Variants in DACH2 observed in about 807,000 individuals in gnomAD.
The protein encoded by DACH2 is dachshund homolog 2.
In DACH2, 17 loss-of-function variants were observed where a neutral mutation model predicts 35.8. That is an observed-to-expected ratio of 0.48 (90% CI 0.33 to 0.71). The LOEUF is 0.71. DACH2 is among the 30% of genes least tolerant of loss of function. The pLI is 0.02. For synonymous variants in DACH2, 195 were observed against 177.3 expected (o/e 1.10, Z -0.79); for missense variants, 469 against 472.7 (o/e 0.99, Z 0.07).
At chrX:86,242,409 C>A (rs920840686) in intron 1 of DACH2, among the ~76,000 whole-genome samples, 1 of 111,969 alleles carries the variant, frequency 8.9e-6, no homozygotes, top group African/African-American at 3.2e-5. Context: ...TTCGTTTTGG[C>A]CAATTTCTCC....
intron 2 of DACH2, among the ~76,000 whole-genome samples, chrX:86,466,428 G>C (rs2037669444): frequency 9.1e-6 from 1 of 110,049 alleles, no homozygotes; most frequent in Non-Finnish European, 1.9e-5. Flanking sequence ...AGATTTGGGT[G>C]GGGACACAGA....
chrX:86,619,807 T>G (rs900553535), intron 3 of DACH2, among the ~76,000 whole-genome samples: 20 of 111,960 alleles, frequency 1.8e-4, no homozygotes, highest in African/African-American at 6.5e-4. Flanking sequence ...TTACAATCAC[T>G]CTGATAATTT....
chrX:86,800,669 C>G (rs190338329), intron 7 of DACH2, among the ~76,000 whole-genome samples: 96 of 110,858 alleles, frequency 8.7e-4, no homozygotes, highest in African/African-American at 2.9e-3. Context: ...TTGTTTGTTT[C>G]TTTGTTTGTT....
At chrX:86,337,052 A>C (rs770259558) in intron 1 of DACH2, among the ~76,000 whole-genome samples, 8 of 110,249 alleles carry the variant, frequency 7.3e-5, no homozygotes, top group Non-Finnish European at 1.3e-4. Context: ...GAATGAACAA[A>C]GCCTCCAAGA....
At chrX:86,587,249 C>A (rs949193759) in intron 3 of DACH2, among the ~76,000 whole-genome samples, 2 of 111,531 alleles carry the variant, frequency 1.8e-5, no homozygotes, top group Non-Finnish European at 3.8e-5. Context: ...ACTGATTTTT[C>A]TACATCGAAT....
chrX:86,546,597 C>A (rs113698820), intron 3 of DACH2, among the ~76,000 whole-genome samples: 7 of 102,048 alleles, frequency 6.9e-5, no homozygotes, highest in Admixed American at 3.3e-4. Flanking sequence ...TCACTGCAAC[C>A]TCTGCGTCCC....
intron 3 of DACH2, among the ~76,000 whole-genome samples, chrX:86,627,099 A>T (rs1011007487): frequency 1.8e-5 from 2 of 112,044 alleles, no homozygotes; most frequent in Non-Finnish European, 3.8e-5. Context: ...AATTCCAAAC[A>T]TATCCTTGTG....
chrX:86,329,669 T>C (rs1016002726), intron 1 of DACH2, among the ~76,000 whole-genome samples: 6 of 111,744 alleles, frequency 5.4e-5, no homozygotes, highest in African/African-American at 2.0e-4. Flanking sequence ...GTGTTAGCAT[T>C]CTGTTTACAG....
chrX:86,466,775 G>A (rs2037677193), intron 2 of DACH2, among the ~76,000 whole-genome samples: 1 of 111,243 alleles, frequency 9.0e-6, no homozygotes, highest in East Asian at 2.8e-4. Context: ...TGCACTCATA[G>A]GCTCAACACC....
chrX:86,457,075 C>G (rs769264560), intron 2 of DACH2, among the ~76,000 whole-genome samples: 1 of 110,847 alleles, frequency 9.0e-6, no homozygotes, highest in East Asian at 2.8e-4. Flanking sequence ...TAGTTGTAGT[C>G]AAATTTAGTT....
intron 4 of DACH2, among the ~76,000 whole-genome samples, chrX:86,658,442 G>T (rs763935170): frequency 9.0e-6 from 1 of 111,455 alleles, no homozygotes; most frequent in East Asian, 2.8e-4. Context: ...TCTTATGCAA[G>T]AACCGAATTT....
chrX:86,216,366 AC>A (rs2032572023), intron 1 of DACH2, among the ~76,000 whole-genome samples: 1 of 59,028 alleles, frequency 1.7e-5, no homozygotes, highest in Non-Finnish European at 3.2e-5. Flanking sequence ...CCAGCCCACC[AC>A]CCCCAAACAG....
chrX:86,617,476 C>T (rs779343099), intron 3 of DACH2, among the ~76,000 whole-genome samples: 7 of 110,957 alleles, frequency 6.3e-5, no homozygotes, highest in African/African-American at 2.0e-4. Context: ...TAATTCTCAT[C>T]GTTGAACTTT....
chrX:86,652,994 G>A (rs1269413133), intron 4 of DACH2, among the ~76,000 whole-genome samples: 1 of 112,140 alleles, frequency 8.9e-6, no homozygotes, highest in African/African-American at 3.2e-5. Flanking sequence ...TCTTCTTCAT[G>A]AAATCTTTGC....
At chrX:86,400,565 T>G (rs2036405855) in intron 2 of DACH2, among the ~76,000 whole-genome samples, 1 of 112,020 alleles carries the variant, frequency 8.9e-6, no homozygotes, top group Non-Finnish European at 1.9e-5. Flanking sequence ...TTGGTGTGGA[T>G]GTCCTTTCTC....
intron 3 of DACH2, among the ~76,000 whole-genome samples, chrX:86,575,939 A>G (rs150618257): frequency 6.0e-4 from 67 of 112,344 alleles, no homozygotes; most frequent in African/African-American, 2.1e-3. Flanking sequence ...TATGAAAACT[A>G]CCTACTGGTT....
At chrX:86,647,513 G>A (rs1224250999) in intron 3 of DACH2, among the ~76,000 whole-genome samples, 1 of 110,686 alleles carries the variant, frequency 9.0e-6, no homozygotes, top group Admixed American at 9.7e-5. Flanking sequence ...TGGTTGTCGT[G>A]CACTGAGGAG....
chrX:86,645,287 A>G (rs192390506), intron 3 of DACH2, among the ~76,000 whole-genome samples: 32 of 111,635 alleles, frequency 2.9e-4, no homozygotes, highest in Admixed American at 1.7e-3. Context: ...GAAGACCTAC[A>G]TGCAGCGAAC....
At chrX:86,568,702 C>T (rs1425675457) in intron 3 of DACH2, among the ~76,000 whole-genome samples, 1 of 110,950 alleles carries the variant, frequency 9.0e-6, no homozygotes, top group East Asian at 2.9e-4. Context: ...TTCATGTTTG[C>T]GGCCTTTGTG....
Sources: gnomAD v4.1 joint callset for allele counts (sites outside exome capture counted in the v4.1 genomes callset) on GRCh38, gnomAD v4.1.1 for gene constraint, MANE v1.5 for transcripts, NCBI Gene and HGNC (gene_info 2026-07-23, HGNC 2026-07-21) for gene names.